MYOCD: variants seen among roughly 807,000 people sequenced by gnomAD.
MYOCD encodes myocardin.
Under a neutral mutation model 96.1 loss-of-function variants are expected in MYOCD, and 32 were observed. The ratio of observed to expected loss-of-function variants is 0.33; its 90% confidence interval spans 0.25 to 0.45. The LOEUF (loss-of-function observed/expected upper bound fraction) is 0.45, where lower values mean the gene tolerates loss of function less well. Among genes scored for constraint, MYOCD ranks in the 20% least tolerant of loss-of-function variants. MYOCD has a pLI of 1.00. For missense variants in MYOCD, 1,133 were observed against 1,200.6 expected (o/e 0.94, Z 0.83); for synonymous variants, 469 against 469.0 (o/e 1.00, Z 0.00).
At chr17:12,720,939 G>A (rs756413606) in intron 4 of MYOCD, among the ~76,000 whole-genome samples, 6 of 150,762 alleles carry the variant, frequency 4.0e-5, no homozygotes, top group Non-Finnish European at 5.9e-5. Context: ...GGAGAATGGC[G>A]TGAACCCGGG....
At chr17:12,729,263 C>T (rs776702106) in intron 5 of MYOCD, among the ~76,000 whole-genome samples, 3 of 152,170 alleles carry the variant, frequency 2.0e-5, no homozygotes, top group Admixed American at 1.3e-4. Flanking sequence ...GTGACAAATA[C>T]TTTGCTGAGG....
intron 1 of MYOCD, among the ~76,000 whole-genome samples, chr17:12,699,891 TC>T (rs146546020): frequency 4.6e-4 from 58 of 126,792 alleles, no homozygotes; most frequent in African/African-American, 9.9e-4. Flanking sequence ...AATATATATT[TC>T]TTTTTTTTTT....
intron 8 of MYOCD, among the ~76,000 whole-genome samples, chr17:12,745,358 C>A (rs1007239358): frequency 6.6e-6 from 1 of 151,950 alleles, no homozygotes; most frequent in Non-Finnish European, 1.5e-5. Context: ...TACAGGCATG[C>A]GCCACCACGC....
rs149878442 is a variant in MYOCD, at chr17:12,704,973, T to C, written c.56-155T>C. On this transcript the variant is annotated intron_variant, in intron 1 of 13. Coordinates refer to ENST00000425538, the MANE Select transcript of MYOCD (RefSeq NM_001146312.3). Reference sequence around the variant, plus strand: ...ACCTTCTCAGCTTCTCTCCTTCTTCTTCCACTGTGTCTACAACAGAAATTA... The same window carrying C: ...ACCTTCTCAGCTTCTCTCCTTCTTCCTCCACTGTGTCTACAACAGAAATTA... The C allele has an allele frequency of 1.9e-4, 118 of 608,016 alleles. 1 individual carries two copies. In the African/African-American group the frequency reaches 2.0e-3, roughly 10 times the overall value. The allele number at this position is 608,016 out of a possible 1,614,324, so 37.7% of individuals were successfully genotyped here.
rs557424528 is a variant in MYOCD, at chr17:12,768,718, A to G, written c.*5074A>G. ...AAAATCCTCCCTCAGTGAAGCACAA[A>G]GAGACACTTTGTAAAGAAAAAAAGA... On this transcript the variant is annotated 3_prime_UTR_variant, in exon 14 of 14. Transcript: ENST00000425538. 6.6e-6 allele frequency: 1 copy of G among 152,234 alleles called. No individual in the cohort carries two copies. Among genetic ancestry groups the G allele is most frequent in the East Asian group, 1.9e-4 (1 of 5,176 alleles). The allele number at this position is 152,234 out of a possible 1,614,324, so 9.4% of individuals were successfully genotyped here. A position where few individuals can be genotyped will look rare whatever the true frequency, so the allele number is the denominator to read the frequency against.
chr17:12,762,978 G>T, intron 13 of MYOCD, 95 bp from the exon 14 acceptor site: 1 of 1,018,386 alleles, frequency 9.8e-7, no homozygotes, highest in Non-Finnish European at 1.4e-6. Context: ...CCAGGGAAGC[G>T]TGGCCATCTT....
chr17:12,670,347 ATC>A (rs1909629395), intron 1 of MYOCD, among the ~76,000 whole-genome samples: 1 of 152,134 alleles, frequency 6.6e-6, no homozygotes, highest in South Asian at 2.1e-4. Flanking sequence ...CCCTGCAGTC[ATC>A]TCTCTCTGTC....
At chr17:12,735,381 C>T (rs2032311512) in intron 5 of MYOCD, among the ~76,000 whole-genome samples, 1 of 152,100 alleles carries the variant, frequency 6.6e-6, no homozygotes, top group East Asian at 1.9e-4. Flanking sequence ...GTGTGATAAC[C>T]CCTCTCCCAC....
intron 9 of MYOCD, among the ~76,000 whole-genome samples, chr17:12,747,591 G>A (rs1279661269): frequency 2.0e-5 from 3 of 151,954 alleles, no homozygotes; most frequent in African/African-American, 7.3e-5. Flanking sequence ...GATTGACAAA[G>A]AACAAAATGG....
At chr17:12,676,151 G>A (rs747636133) in intron 1 of MYOCD, among the ~76,000 whole-genome samples, 2 of 151,840 alleles carry the variant, frequency 1.3e-5, no homozygotes, top group African/African-American at 2.4e-5. Context: ...TTTAGAGGAC[G>A]TGGACACTAA....
intron 2 of MYOCD, chr17:12,705,506 C>A (rs1383594121): frequency 4.5e-6 from 1 of 221,806 alleles, no homozygotes; most frequent in Admixed American, 5.7e-5. Context: ...AATTAATATT[C>A]TTTCCAGAAG....
chr17:12,708,364 G>A (rs911910906), intron 2 of MYOCD, among the ~76,000 whole-genome samples: 1 of 152,032 alleles, frequency 6.6e-6, no homozygotes, highest in African/African-American at 2.4e-5. Context: ...TGATGGCCAA[G>A]TGAACTGTTA....
At chr17:12,729,229 G>T (rs906740700) in intron 5 of MYOCD, among the ~76,000 whole-genome samples, 2 of 152,200 alleles carry the variant, frequency 1.3e-5, no homozygotes, top group Non-Finnish European at 2.9e-5. Context: ...CACCCTTGGG[G>T]TAAAGAAACA....
At chr17:12,722,711 T>A (rs1228243878) in intron 4 of MYOCD, 136 bp from the exon 5 acceptor site, 1 of 680,546 alleles carries the variant, frequency 1.5e-6, no homozygotes. Context: ...AAAGTGATGA[T>A]GATTGCATCG....
intron 1 of MYOCD, among the ~76,000 whole-genome samples, chr17:12,667,717 C>T (rs1909455391): frequency 6.6e-6 from 1 of 152,152 alleles, no homozygotes; most frequent in East Asian, 1.9e-4. Flanking sequence ...TTATCAATCC[C>T]TCCTTCAGCT....
At chr17:12,755,170 A>C (rs897893368) in intron 10 of MYOCD, among the ~76,000 whole-genome samples, 1 of 152,240 alleles carries the variant, frequency 6.6e-6, no homozygotes, top group African/African-American at 2.4e-5. Flanking sequence ...TTGAGTGTGT[A>C]GTGTCCTGGG....
intron 11 of MYOCD, 61 bp downstream of exon 11, chr17:12,756,618 C>A: frequency 6.9e-7 from 1 of 1,450,412 alleles, no homozygotes; most frequent in Non-Finnish European, 9.2e-7. Flanking sequence ...TCTTCTGTAA[C>A]CCGGGAGGCA....
chr17:12,672,896 C>T (rs1032021133), intron 1 of MYOCD, among the ~76,000 whole-genome samples: 14 of 152,088 alleles, frequency 9.2e-5, no homozygotes, highest in African/African-American at 3.4e-4. Context: ...ATCAGCAATC[C>T]CTTCTGACAC....
rs2033322661 is a variant in MYOCD at position 12,765,776 on chromosome 17, A to G, written c.*2132A>G. The G allele has an allele frequency of 6.6e-6, 1 of 152,238 alleles. No individual in the cohort carries two copies. The highest frequency in any genetic ancestry group is 2.4e-5 in the African/African-American group (1 of 41,454). The allele number at this position is 152,238 out of a possible 1,614,324, so 9.4% of individuals were successfully genotyped here. A position where few individuals can be genotyped will look rare whatever the true frequency, so the allele number is the denominator to read the frequency against. ...ACTCACAGCTACTTGCTTATCGTGA[A>G]CAAGCTCATCTTGGCAATGAATATG... On this transcript the variant is annotated 3_prime_UTR_variant, in exon 14 of 14. Transcript: ENST00000425538.
Sources: gnomAD v4.1 joint callset for allele counts (sites outside exome capture counted in the v4.1 genomes callset) on GRCh38, gnomAD v4.1.1 for gene constraint, MANE v1.5 for transcripts, NCBI Gene and HGNC (gene_info 2026-07-23, HGNC 2026-07-21) for gene names.